Variants in DEF8 observed in about 807,000 individuals in gnomAD.
DEF8 encodes differentially expressed in FDCP 8 homolog, also known as DEF-8.
Under a neutral mutation model 59.1 loss-of-function variants are expected in DEF8, and 38 were observed. The ratio of observed to expected loss-of-function variants is 0.64; its 90% CI spans 0.50 to 0.84. The LOEUF (loss-of-function observed/expected upper bound fraction) is 0.84. DEF8 is among the 40% of genes least tolerant of loss of function. The pLI is 0.00. For missense variants in DEF8, 557 were observed against 615.2 expected (o/e 0.91, Z 1.00); for synonymous variants, 265 against 250.1 (o/e 1.06, Z -0.56).
chr16:89,960,910 G>A (rs767366365), intron 6 of DEF8, 21 bp from the exon 7 acceptor site: 1 of 1,607,240 alleles, frequency 6.2e-7, no homozygotes, highest in South Asian at 1.1e-5. Flanking sequence ...CTTTTGAGAA[G>A]TGTGTGTCCC....
Position 89,954,395 on chromosome 16 carries a change from C to T in DEF8, c.124+19C>T, listed in dbSNP as rs2032753111. 7.4e-6 allele frequency: 12 copies of T among 1,611,466 alleles called. No homozygotes were observed. Among genetic ancestry groups the T allele is most frequent in the Non-Finnish European group, 1.0e-5 (12 of 1,178,780 alleles). ...CCTGAAGGTGGGTGCTGGTGGGAGT[C>T]AGGGTGGGAGCTGGGCAGGTCTCTG... On this transcript the variant is annotated intron_variant, in intron 3 of 12. Coordinates refer to ENST00000563594, the MANE Select transcript of DEF8 (RefSeq NM_001242818.2). The surrounding 1 kb of genome is among the most constrained non-coding windows in gnomAD (Gnocchi z 4.3).
Position 89,961,852 on chromosome 16 carries a change from T to C in DEF8, c.795T>C (p.Phe265=). 2 of 1,601,552 alleles carry C rather than the reference T, an allele frequency of 1.2e-6. No homozygotes were observed. Among genetic ancestry groups the C allele is most frequent in the Non-Finnish European group, 1.7e-6 (2 of 1,172,248 alleles). ...CACGCGTTGTACACAACTGGGACTT[T>C]GAGCCTCGAAAGGTGGGGGTTGGAA... ...IPARVVHNWD[F]EPRKVSRCSM... is the part of the protein sequence containing the mutation. The change falls in exon 8 of 13, where the codon TTT becomes TTC. Residue 265 remains phenylalanine (F), a synonymous_variant. Transcript: ENST00000563594.
chr16:89,965,171 A>G lies in DEF8; in HGVS notation c.1253+596A>G, dbSNP rs551915977. Among the ~76,000 whole-genome samples the G allele has an allele frequency of 4.6e-5, 7 of 152,356 alleles. No individual in the cohort carries two copies. The East Asian group carries it at 1.3e-3, about 29-fold the overall frequency. On this transcript the variant is annotated intron_variant, in intron 12 of 12. Coordinates refer to ENST00000563594, the MANE Select transcript of DEF8 (RefSeq NM_001242818.2). ...CTTGGAAAAATAATGTACACAAATT[A>G]GAAGAAAAATATTTTAATTTCATTC...
At chr16:89,949,910 G>A (rs2031678032) in intron 2 of DEF8, among the ~76,000 whole-genome samples, 1 of 152,212 alleles carries the variant, frequency 6.6e-6, no homozygotes, top group Non-Finnish European at 1.5e-5. Context: ...TCTGCTCAGA[G>A]TCGGCCACTG....
Position 89,966,904 on chromosome 16 carries a change from C to A in DEF8, c.*941C>A. On this transcript the variant is annotated 3_prime_UTR_variant, in exon 13 of 13. Transcript: ENST00000563594. ...CTCCAGATAGCTCAGAAATGACCAG[C>A]CAATGGCCTTTTGTTTGGGGGCCTG... is the stretch of plus-strand genomic sequence containing the variant. The A allele has an allele frequency of 5.8e-6, 1 of 171,952 alleles. No individual in the cohort carries two copies. Among genetic ancestry groups the A allele is most frequent in the Non-Finnish European group, 1.2e-5 (1 of 81,330 alleles). The allele number at this position is 171,952 out of a possible 1,614,324, so 10.7% of individuals were successfully genotyped here.
At chr16:89,959,369 G>T (rs1295595173) in intron 6 of DEF8, 3 of 1,433,384 alleles carry the variant, frequency 2.1e-6, no homozygotes, top group Non-Finnish European at 2.7e-6. Flanking sequence ...GAATTACATG[G>T]TGTGTCTAGT....
Position 89,964,160 on chromosome 16 carries a change from G to T in DEF8, c.1003-10G>T. ...CGGTGCAGGGCGTCACGGCTGCTGG[G>T]ACTTGGCAGCTCCAGGATCGGCAGC... On this transcript the variant is annotated splice_polypyrimidine_tract_variant and intron_variant, in intron 10 of 12. Coordinates refer to ENST00000563594, the MANE Select transcript of DEF8 (RefSeq NM_001242818.2). 6.2e-7 allele frequency: 1 copy of T among 1,613,948 alleles called. No individual in the cohort carries two copies.
intron 2 of DEF8, chr16:89,950,327 A>C (rs1251153335): frequency 6.1e-6 from 6 of 985,348 alleles, no homozygotes; most frequent in Non-Finnish European, 7.2e-6. Context: ...CCACCCCAGA[A>C]AGTAGGTGTT....
chr16:89,957,668 T>A lies in DEF8; in HGVS notation c.372+8T>A. On this transcript the variant is annotated splice_region_variant and intron_variant, in intron 5 of 12. Transcript: ENST00000563594. ...AAGCTCCAGGAGCTGAAGGTGGGTGTGGGGCCGCCCCGCCGTGGGGCAGCC... is the reference window on the plus strand; with the variant it reads ...AAGCTCCAGGAGCTGAAGGTGGGTGAGGGGCCGCCCCGCCGTGGGGCAGCC... 1.9e-6 allele frequency: 3 copies of A among 1,543,952 alleles called. No individual in the cohort carries two copies.
rs749410472 is a variant in DEF8, at chr16:89,959,174, G to C, written c.514+19G>C. 2.7e-5 allele frequency: 43 copies of C among 1,613,686 alleles called. 1 individual carries two copies. In the South Asian group the frequency reaches 4.6e-4, roughly 17 times the overall value. The stretch of plus-strand genomic sequence containing the variant: ...TGCACAGGTGGGCCGAGACCCAGAC[G>C]AGGAGTGAGGAATGAGAGAGACCAA... On this transcript the variant is annotated intron_variant, in intron 6 of 12. Coordinates refer to ENST00000563594, the MANE Select transcript of DEF8 (RefSeq NM_001242818.2).
intron 5 of DEF8, chr16:89,958,437 TG>T: frequency 6.3e-6 from 1 of 158,580 alleles, no homozygotes; most frequent in Admixed American, 5.9e-5. Flanking sequence ...ATGCAGTCCT[TG>T]GGTCTGTGTG....
intron 4 of DEF8, among the ~76,000 whole-genome samples, chr16:89,956,287 T>C (rs1332505641): frequency 6.6e-6 from 1 of 151,382 alleles, no homozygotes; most frequent in Non-Finnish European, 1.5e-5. Context: ...AAACCCCGTC[T>C]CTACTAAAAA....
At chr16:89,961,187 T>C (rs2151199773) in intron 7 of DEF8, 92 bp downstream of exon 7, 1 of 1,500,718 alleles carries the variant, frequency 6.7e-7, no homozygotes, top group Middle Eastern at 1.8e-4. Context: ...AGTCAGACAG[T>C]TGAGTGAGGC....
intron 2 of DEF8, among the ~76,000 whole-genome samples, chr16:89,951,621 C>T (rs149326296): frequency 1.2e-4 from 19 of 152,288 alleles, no homozygotes; most frequent in African/African-American, 2.9e-4. Flanking sequence ...GTATTTCTCT[C>T]ACTTGAATGA....
chr16:89,959,280 T>G, intron 6 of DEF8, 125 bp downstream of exon 6: 1 of 1,529,878 alleles, frequency 6.5e-7, no homozygotes, highest in Non-Finnish European at 8.8e-7. Flanking sequence ...CCAGTCAAAG[T>G]TAAATTAACT....
At chr16:89,964,707 G>C (rs2034457557) in intron 12 of DEF8, 132 bp downstream of exon 12, 2 of 653,880 alleles carry the variant, frequency 3.1e-6, no homozygotes, top group South Asian at 3.6e-5. Flanking sequence ...GAGACATAAA[G>C]ACTCTTTGGG....
In DEF8 at chr16:89,954,365, T is replaced by C. The variant is rs981386058; in HGVS notation, c.113T>C (p.Val38Ala). ...GGCCCTGGGGAGGAGGTCCCGGACG[T>C]CACTCCTGAAGGTGGGTGCTGGTGG... ...EQGPGEEVPD[V>A]TPEEALPELP... Residue 38 changes from valine (V) to alanine (A), a missense_variant, in exon 3 of 13, where the codon GTC becomes GCC. Transcript: ENST00000563594. This position sits in a 1 kb window ranked among gnomAD's most constrained non-coding sequence, Gnocchi z 4.3. 1.9e-6 allele frequency: 3 copies of C among 1,613,446 alleles called. No individual in the cohort carries two copies. Among genetic ancestry groups the C allele is most frequent in the African/African-American group, 1.3e-5 (1 of 74,880 alleles).
chr16:89,955,358 A>C, intron 4 of DEF8, 92 bp downstream of exon 4: 1 of 1,077,328 alleles, frequency 9.3e-7, no homozygotes. Flanking sequence ...CCCAGGTGGC[A>C]GGGCAGTGTC....
At chr16:89,962,620 C>T (rs528241522) in intron 9 of DEF8, among the ~76,000 whole-genome samples, 1 of 152,262 alleles carries the variant, frequency 6.6e-6, no homozygotes, top group East Asian at 1.9e-4. Flanking sequence ...CGCGTCACTG[C>T]ACTCCAGCCT....
Sources: gnomAD v4.1 joint callset for allele counts (sites outside exome capture counted in the v4.1 genomes callset) on GRCh38, gnomAD v4.1.1 for gene constraint, Gnocchi (gnomAD v3.1) non-coding constraint, MANE v1.5 for transcripts, NCBI Gene and HGNC (gene_info 2026-07-23, HGNC 2026-07-21) for gene names.